Variants in HSF1 observed in about 807,000 individuals in gnomAD.
HSF1 encodes heat shock factor protein 1.
Under a neutral mutation model 51.7 loss-of-function variants are expected in HSF1, and 32 were observed. The observed-to-expected ratio is 0.62, with a 90% CI of 0.47 to 0.83. The LOEUF is 0.83. HSF1 is among the 40% of genes least tolerant of loss of function. The pLI, the probability that HSF1 is intolerant of heterozygous loss-of-function variation, is 0.00. For missense variants in HSF1, 727 were observed against 717.0 expected (o/e 1.01, Z -0.16); for synonymous variants, 396 against 309.7 (o/e 1.28, Z -2.92).
chr8:144,297,455 G>A lies in HSF1; in HGVS notation c.117+5581G>A, dbSNP rs918253524. Among the ~76,000 whole-genome samples, 2 of 152,198 alleles carry A rather than the reference G, an allele frequency of 1.3e-5. No individual in the cohort carries two copies. The highest frequency in any genetic ancestry group is 6.5e-5 in the Admixed American group (1 of 15,280). The stretch of plus-strand genomic sequence containing the variant: ...CTTGGTCCTTGTGTGGCGAGAACAC[G>A]CTGGAAGCTCCTCCAGAGCGGAAAC... On this transcript the variant is annotated intron_variant, in intron 1 of 12. Transcript: ENST00000528838. The surrounding 1 kb of genome is among the most constrained non-coding windows in gnomAD (Gnocchi z 4.6).
At chr8:144,295,991 C>A (rs1815427384) in intron 1 of HSF1, among the ~76,000 whole-genome samples, 1 of 152,096 alleles carries the variant, frequency 6.6e-6, no homozygotes, top group Non-Finnish European at 1.5e-5. Context: ...GCTGGAAAGA[C>A]TCTAGAAGGA....
chr8:144,309,768 C>G lies in HSF1; in HGVS notation c.364-4C>G. 4.3e-6 allele frequency: 7 copies of G among 1,613,276 alleles called. No homozygotes were observed. The highest frequency in any genetic ancestry group is 1.1e-5 in the South Asian group (1 of 91,048). ...AGTGACTCCTGTCCCTCTCGGGAAT[C>G]CAGGTGTCCACCCTGAAGAGTGAAG... On this transcript the variant is annotated splice_polypyrimidine_tract_variant and splice_region_variant and intron_variant, in intron 3 of 12. Transcript: ENST00000528838.
In HSF1 at chr8:144,311,257, C is replaced by CAGGGCCAG; in HGVS notation, c.564+15_564+22dup. ...CAGAAAGTCGTCAACAAGGTGGGGG[C>CAGGGCCAG]AGGGCCAGAGGGCCGGCGGGGGCCC... is the stretch of plus-strand genomic sequence containing the variant. On this transcript the variant is annotated intron_variant, in intron 5 of 12. Transcript: ENST00000528838. 1 of 1,613,430 alleles carries CAGGGCCAG rather than the reference C, an allele frequency of 6.2e-7. No homozygotes were observed. The highest frequency in any genetic ancestry group is 8.5e-7 in the Non-Finnish European group (1 of 1,179,974).
rs1554841545 is a variant in HSF1, at chr8:144,297,733, A to G, written c.117+5859A>G. On this transcript the variant is annotated intron_variant, in intron 1 of 12. Coordinates refer to ENST00000528838, the MANE Select transcript of HSF1 (RefSeq NM_005526.4). This position sits in a 1 kb window ranked among gnomAD's most constrained non-coding sequence, Gnocchi z 4.6. Reference sequence around the variant, plus strand: ...AGGGAACAGCCGGCCAGCCGAGCCCAGGAGCCCAGATCACCGGTCAGCAGA... The same window carrying G: ...AGGGAACAGCCGGCCAGCCGAGCCCGGGAGCCCAGATCACCGGTCAGCAGA... 2.0e-5 allele frequency among the ~76,000 whole-genome samples: 3 copies of G among 152,218 alleles called. No individual in the cohort carries two copies. Among genetic ancestry groups the G allele is most frequent in the African/African-American group, 7.2e-5 (3 of 41,468 alleles).
chr8:144,293,826 T>C (rs1318426476), intron 1 of HSF1, among the ~76,000 whole-genome samples: 1 of 151,038 alleles, frequency 6.6e-6, no homozygotes, highest in Non-Finnish European at 1.5e-5. Context: ...TTATCTGGGA[T>C]ATTCTAAGCT....
At chr8:144,311,285 C>T in intron 5 of HSF1, 36 bp downstream of exon 5, 1 of 1,612,582 alleles carries the variant, frequency 6.2e-7, no homozygotes, top group Non-Finnish European at 8.5e-7. Flanking sequence ...GGGGGCCCCA[C>T]AAGGGCCGGG....
chr8:144,309,645 C>T, intron 3 of HSF1, 54 bp downstream of exon 3: 1 of 1,603,498 alleles, frequency 6.2e-7, no homozygotes, highest in Non-Finnish European at 8.5e-7. Context: ...GCTCTCCCCG[C>T]CCGCCCCTCC....
intron 1 of HSF1, among the ~76,000 whole-genome samples, chr8:144,307,018 G>A (rs1239520757): frequency 6.6e-6 from 1 of 152,076 alleles, no homozygotes; most frequent in Non-Finnish European, 1.5e-5. Context: ...GAGCCTCAAG[G>A]TCAGCCAGAA....
At position 144,312,202 on chromosome 8, in the gene HSF1, C is replaced by T. The variant is rs1554845037; in HGVS notation, c.1100C>T (p.Thr367Ile). 4.4e-6 allele frequency: 7 copies of T among 1,587,344 alleles called. No homozygotes were observed. The highest frequency in any genetic ancestry group is 4.3e-6 in the Non-Finnish European group (5 of 1,165,948). ...TEGRPPSPPP[T>I]STPEKCLSVA... ...GGCCGGCCTCCCTCCCCCCCGCCCACCTCCACCCCTGAAAAGTGCCTCAGC... is the reference window on the plus strand; with the variant it reads ...GGCCGGCCTCCCTCCCCCCCGCCCATCTCCACCCCTGAAAAGTGCCTCAGC... Residue 367 changes from threonine (T) to isoleucine (I), a missense_variant, in exon 9 of 13, where the codon ACC (threonine) becomes ATC (isoleucine). This residue lies in a region of HSF1 where 470 missense variants were observed against 398.8 expected (regional missense o/e 1.18). Coordinates refer to ENST00000528838, the MANE Select transcript of HSF1 (RefSeq NM_005526.4).
At chr8:144,298,337 C>T (rs1179933677) in intron 1 of HSF1, among the ~76,000 whole-genome samples, 1 of 152,048 alleles carries the variant, frequency 6.6e-6, no homozygotes, top group African/African-American at 2.4e-5. Context: ...TGGCTCACGG[C>T]TGTAATCCCA....
Position 144,309,233 on chromosome 8 carries a change from GCCGGAGCTGTACT to G in HSF1, c.227-219_227-207del, listed in dbSNP as rs1816432826. 7 of 673,410 alleles carry G rather than the reference GCCGGAGCTGTACT, an allele frequency of 1.0e-5. No homozygotes were observed. The Admixed American group carries it at 2.0e-4, about 19-fold the overall frequency. The allele number at this position is 673,410 out of a possible 1,614,324, so 41.7% of individuals were successfully genotyped here. On this transcript the variant is annotated intron_variant, in intron 2 of 12. Transcript: ENST00000528838. The stretch of plus-strand genomic sequence containing the variant: ...GGGGTCCCCATGGAAGAACCGTGAA[GCCGGAGCTGTACT>G]CCACGTGTGTCGGGCGCAGGGAGCC...
chr8:144,310,995 AAGCCCT>A (rs1816601494), intron 4 of HSF1, 173 bp from the exon 5 acceptor site: 2 of 622,406 alleles, frequency 3.2e-6, no homozygotes, highest in Non-Finnish European at 5.6e-6. Flanking sequence ...TGGGACCAGC[AAGCCCT>A]GGCCCTGGCC....
intron 4 of HSF1, 168 bp downstream of exon 4, chr8:144,310,064 C>G: frequency 1.3e-6 from 1 of 763,876 alleles, no homozygotes; most frequent in South Asian, 1.9e-5. Context: ...CCCGTGGCTG[C>G]TGCAACAGCT....
chr8:144,302,581 A>G (rs1554842588), intron 1 of HSF1, among the ~76,000 whole-genome samples: 1 of 151,806 alleles, frequency 6.6e-6, no homozygotes, highest in Non-Finnish European at 1.5e-5. Flanking sequence ...TAATCCCAAC[A>G]CTTTGGGAGG....
In HSF1 at chr8:144,314,473, C is replaced by A; in HGVS notation, c.*143C>A. 1.5e-6 allele frequency: 1 copy of A among 684,446 alleles called. No individual in the cohort carries two copies. 42.4% of individuals were successfully genotyped at this position (684,446 alleles called of 1,614,324 possible). Reference sequence around the variant, plus strand: ...TAGGACAAACGGGCTCGGGTCTGGGCAGCACCTCTGGTCAGGAGGGTCACC... The same window carrying A: ...TAGGACAAACGGGCTCGGGTCTGGGAAGCACCTCTGGTCAGGAGGGTCACC... On this transcript the variant is annotated 3_prime_UTR_variant, in exon 13 of 13. Coordinates refer to ENST00000528838, the MANE Select transcript of HSF1 (RefSeq NM_005526.4).
intron 1 of HSF1, among the ~76,000 whole-genome samples, chr8:144,300,975 A>C (rs1815824855): frequency 6.6e-6 from 1 of 152,246 alleles, no homozygotes; most frequent in South Asian, 2.1e-4. Flanking sequence ...TCAGAAGAAA[A>C]GATTCCTGAA....
rs966639844 is a variant in HSF1, at chr8:144,306,552, G to A, written c.118-2354G>A. On this transcript the variant is annotated intron_variant, in intron 1 of 12. Coordinates refer to ENST00000528838, the MANE Select transcript of HSF1 (RefSeq NM_005526.4). ...TAATTTTTGTATTTCTTCTAGAGAC[G>A]GGGTTTTGCCATGTTGCCCAGGCCA... Among the ~76,000 whole-genome samples, 10 of 152,160 alleles carry A rather than the reference G, an allele frequency of 6.6e-5. No individual in the cohort carries two copies. In the East Asian group the frequency reaches 1.2e-3, roughly 18 times the overall value.
chr8:144,308,771 G>T, intron 1 of HSF1, 135 bp from the exon 2 acceptor site: 1 of 713,384 alleles, frequency 1.4e-6, no homozygotes, highest in Non-Finnish European at 2.5e-6. Flanking sequence ...AGCCCCCTGG[G>T]CCTCCCATGG....
chr8:144,314,370 C>A lies in HSF1; in HGVS notation c.*40C>A, dbSNP rs1554846289. The stretch of plus-strand genomic sequence containing the variant: ...CTGGGCCAGCCGCCCACCCCCACCC[C>A]CAGTGCAGGGCTGGTCTTGGGGAGG... On this transcript the variant is annotated 3_prime_UTR_variant, in exon 13 of 13. Coordinates refer to ENST00000528838, the MANE Select transcript of HSF1 (RefSeq NM_005526.4). 2.0e-6 allele frequency: 3 copies of A among 1,514,240 alleles called. No individual in the cohort carries two copies. The highest frequency in any genetic ancestry group is 2.7e-6 in the Non-Finnish European group (3 of 1,116,638). 93.8% of individuals were successfully genotyped at this position (1,514,240 alleles called of 1,614,324 possible).
Sources: allele counts gnomAD v4.1 joint callset (sites outside exome capture counted in the v4.1 genomes callset), GRCh38; gene constraint gnomAD v4.1.1; regional missense constraint gnomAD v4.1.1; non-coding constraint Gnocchi (gnomAD v3.1); transcripts MANE v1.5; gene names NCBI Gene and HGNC (gene_info 2026-07-23, HGNC 2026-07-21).